The following SERPINI1 variants were observed in gnomAD, a reference collection of about 807,000 sequenced individuals.
SERPINI1 encodes the protein neuroserpin.
In SERPINI1, 19 loss-of-function variants were observed where a neutral mutation model predicts 41.1. The ratio of observed to expected loss-of-function variants is 0.46; its 90% CI spans 0.32 to 0.68. The LOEUF is 0.68. SERPINI1 is among the 30% of genes least tolerant of loss of function. The pLI is 0.03. For synonymous variants in SERPINI1, 138 were observed against 156.6 expected (o/e 0.88, Z 0.89); for missense variants, 460 against 479.2 (o/e 0.96, Z 0.37).
chr3:167,804,221 A>T (rs1462059272), intron 5 of SERPINI1, among the ~76,000 whole-genome samples: 2 of 152,222 alleles, frequency 1.3e-5, no homozygotes, highest in African/African-American at 4.8e-5. Flanking sequence ...TTTGTTTGAT[A>T]TACATGTACT....
At chr3:167,758,912 A>T (rs62278333) in intron 1 of SERPINI1, among the ~76,000 whole-genome samples, 6 of 152,216 alleles carry the variant, frequency 3.9e-5, no homozygotes, top group Non-Finnish European at 8.8e-5. Context: ...ATTAAAATTT[A>T]AAATGTTTTA....
At chr3:167,803,591 C>G (rs956643255) in intron 5 of SERPINI1, among the ~76,000 whole-genome samples, 1 of 152,118 alleles carries the variant, frequency 6.6e-6, no homozygotes, top group African/African-American at 2.4e-5. Context: ...TTTCCTGTGC[C>G]AAAACTGAGC....
intron 1 of SERPINI1, among the ~76,000 whole-genome samples, chr3:167,781,030 T>C (rs746993189): frequency 1.3e-5 from 2 of 152,158 alleles, no homozygotes. Context: ...AGGAACACTA[T>C]GCATGAGGAA....
At chr3:167,762,881 G>C (rs1408681586) in intron 1 of SERPINI1, among the ~76,000 whole-genome samples, 2 of 152,016 alleles carry the variant, frequency 1.3e-5, no homozygotes, top group Non-Finnish European at 2.9e-5. Flanking sequence ...AGGCAAAGTA[G>C]ATAGAAGCCT....
intron 1 of SERPINI1, among the ~76,000 whole-genome samples, chr3:167,744,617 C>CTATATTTAAATATTTTATATT: frequency 7.7e-6 from 1 of 129,688 alleles, no homozygotes; most frequent in Non-Finnish European, 1.6e-5. Context: ...ATATATATAA[C>CTATATTTAAATATTTTATATT]TATATTTAAA....
chr3:167,790,359 T>C lies in SERPINI1; in HGVS notation c.251-13T>C. The C allele has an allele frequency of 6.4e-7, 1 of 1,554,570 alleles. No homozygotes were observed. Among genetic ancestry groups the C allele is most frequent in the Non-Finnish European group, 8.9e-7 (1 of 1,125,994 alleles). ...TTGTTCTACAAATAAACTTATCCTT[T>C]CTCATCTTTCAGGTGAAGAATTTTC... On this transcript the variant is annotated splice_polypyrimidine_tract_variant and intron_variant, in intron 2 of 8. Coordinates refer to ENST00000446050, the MANE Select transcript of SERPINI1 (RefSeq NM_001122752.2).
intron 1 of SERPINI1, among the ~76,000 whole-genome samples, chr3:167,751,786 T>G (rs1726055771): frequency 1.3e-5 from 2 of 151,980 alleles, no homozygotes; most frequent in Admixed American, 1.3e-4. Flanking sequence ...TCATGTACGA[T>G]AATAAAGCCT....
chr3:167,797,422 G>T (rs1363143093), intron 5 of SERPINI1, among the ~76,000 whole-genome samples: 1 of 152,084 alleles, frequency 6.6e-6, no homozygotes, highest in Non-Finnish European at 1.5e-5. Context: ...CTTTGCCTGT[G>T]TCTGTGTCCT....
intron 1 of SERPINI1, among the ~76,000 whole-genome samples, chr3:167,758,135 G>A (rs1324016270): frequency 2.0e-5 from 3 of 151,970 alleles, no homozygotes; most frequent in African/African-American, 7.3e-5. Context: ...TCTTCATTCT[G>A]GACCTGCAGG....
intron 1 of SERPINI1, among the ~76,000 whole-genome samples, chr3:167,750,989 A>C (rs1726033981): frequency 6.6e-6 from 1 of 152,226 alleles, no homozygotes. Flanking sequence ...TCAATATATA[A>C]AAACTCTAAC....
intron 1 of SERPINI1, among the ~76,000 whole-genome samples, chr3:167,781,634 CTTTTTTTTT>C (rs757785091): frequency 4.9e-5 from 4 of 81,752 alleles, no homozygotes; most frequent in African/African-American, 2.1e-4. Flanking sequence ...TTCTTTTGGC[CTTTTTTTTT>C]TTTTTTTTTT....
At chr3:167,744,767 ATATAT>A (rs1283760070) in intron 1 of SERPINI1, among the ~76,000 whole-genome samples, 31 of 98,110 alleles carry the variant, frequency 3.2e-4, no homozygotes, top group East Asian at 8.7e-4. Flanking sequence ...TATATTAAAT[ATATAT>A]TATATATAAC....
At chr3:167,796,952 GT>G (rs769904851) in intron 5 of SERPINI1, among the ~76,000 whole-genome samples, 7 of 152,092 alleles carry the variant, frequency 4.6e-5, no homozygotes, top group Non-Finnish European at 1.0e-4. Context: ...TTCCACAATG[GT>G]TGAACTAATT....
chr3:167,781,633 CCTTTTT>C (rs1445834581), intron 1 of SERPINI1, among the ~76,000 whole-genome samples: 2 of 129,668 alleles, frequency 1.5e-5, no homozygotes, highest in Non-Finnish European at 3.3e-5. Flanking sequence ...TTTCTTTTGG[CCTTTTT>C]TTTTTTTTTT....
chr3:167,807,435 G>A, intron 6 of SERPINI1, 94 bp downstream of exon 6: 3 of 801,636 alleles, frequency 3.7e-6, no homozygotes, highest in Non-Finnish European at 6.3e-6. Context: ...GAGTTCTGGG[G>A]TAAAATATAG....
intron 5 of SERPINI1, among the ~76,000 whole-genome samples, chr3:167,795,989 A>G (rs960437702): frequency 1.3e-5 from 2 of 152,178 alleles, no homozygotes; most frequent in African/African-American, 4.8e-5. Context: ...CACATTCCAT[A>G]TTAAGAAAAT....
At chr3:167,752,224 G>A (rs145843713) in intron 1 of SERPINI1, among the ~76,000 whole-genome samples, 46 of 150,814 alleles carry the variant, frequency 3.1e-4, no homozygotes, top group African/African-American at 9.8e-4. Flanking sequence ...ACTCCTAAAT[G>A]TATCTCTAAC....
chr3:167,801,446 T>C (rs1727896371), intron 5 of SERPINI1, among the ~76,000 whole-genome samples: 1 of 152,154 alleles, frequency 6.6e-6, no homozygotes, highest in Non-Finnish European at 1.5e-5. Context: ...TTTTTAAAAG[T>C]TGTTGTTGGA....
chr3:167,750,138 T>C (rs181776246), intron 1 of SERPINI1, among the ~76,000 whole-genome samples: 2 of 152,330 alleles, frequency 1.3e-5, no homozygotes, highest in African/African-American at 4.8e-5. Flanking sequence ...TTCACAGCTA[T>C]TGATAAAACA....
Sources: allele counts gnomAD v4.1 joint callset (sites outside exome capture counted in the v4.1 genomes callset), GRCh38; gene constraint gnomAD v4.1.1; transcripts MANE v1.5; gene names NCBI Gene and HGNC (gene_info 2026-07-23, HGNC 2026-07-21).